LTBP1: variants seen among roughly 807,000 people sequenced by gnomAD.
The protein encoded by LTBP1 is latent-transforming growth factor beta-binding protein 1.
LTBP1 carries 129 observed loss-of-function variants against 207.6 expected under a neutral mutation model. That is an observed-to-expected ratio of 0.62 (90% confidence interval 0.54 to 0.72). The LOEUF (loss-of-function observed/expected upper bound fraction) is 0.72, where lower values mean the gene tolerates loss of function less well. Ranked by LOEUF, LTBP1 falls within the 30% of genes least tolerant of loss-of-function variation. The probability of loss-of-function intolerance (pLI) is 0.00; values close to 1 mark genes in which losing one functional copy is unlikely to be tolerated. For missense variants in LTBP1, 2,281 were observed against 2,217.2 expected (o/e 1.03, Z -0.58); for synonymous variants, 963 against 833.7 (o/e 1.16, Z -2.67).
chr2:33,194,612 A>C (rs748320559), intron 7 of LTBP1, among the ~76,000 whole-genome samples: 17 of 152,214 alleles, frequency 1.1e-4, no homozygotes, highest in Non-Finnish European at 1.5e-4. Flanking sequence ...AAGTTGCAGA[A>C]GAAAAATCTG....
At chr2:32,986,859 G>T (rs1683672937) in intron 2 of LTBP1, among the ~76,000 whole-genome samples, 1 of 152,170 alleles carries the variant, frequency 6.6e-6, no homozygotes, top group African/African-American at 2.4e-5. Flanking sequence ...TTCTGAACCT[G>T]TTTTCAGAGC....
At chr2:33,057,395 G>T (rs1337512475) in intron 3 of LTBP1, among the ~76,000 whole-genome samples, 1 of 152,210 alleles carries the variant, frequency 6.6e-6, no homozygotes, top group African/African-American at 2.4e-5. Context: ...GCCGCAGGTC[G>T]AGCTGCCTGC....
chr2:32,968,309 G>C (rs1433939074), intron 2 of LTBP1, among the ~76,000 whole-genome samples: 1 of 152,136 alleles, frequency 6.6e-6, no homozygotes, highest in Non-Finnish European at 1.5e-5. Context: ...CTGTCATTAG[G>C]TGCGTACACA....
rs529448782 is a variant in LTBP1, at chr2:32,966,398, A to G, written c.565+17453A>G. On this transcript the variant is annotated intron_variant, in intron 2 of 33. Transcript: ENST00000404816. ...TTGGTGTTATATCTTGTTTTATTTT[A>G]TTAGCTAGGACTTCCAGTACTATTG... Among the ~76,000 whole-genome samples, 4 of 152,052 alleles carry G rather than the reference A, an allele frequency of 2.6e-5. No homozygotes were observed. In the East Asian group the frequency reaches 7.7e-4, roughly 29 times the overall value.
At chr2:33,223,608 A>G (rs1426384787) in intron 9 of LTBP1, among the ~76,000 whole-genome samples, 1 of 152,232 alleles carries the variant, frequency 6.6e-6, no homozygotes, top group Non-Finnish European at 1.5e-5. Flanking sequence ...GTTTTACAAT[A>G]TAAACCAAGT....
intron 15 of LTBP1, among the ~76,000 whole-genome samples, chr2:33,263,738 G>A (rs190724643): frequency 3.3e-5 from 5 of 152,112 alleles, no homozygotes; most frequent in African/African-American, 1.2e-4. Flanking sequence ...CAGATCACAA[G>A]GTCAAGAGAT....
At chr2:33,285,730 A>T (rs1303056994) in intron 19 of LTBP1, 1 of 152,136 alleles carries the variant, frequency 6.6e-6, no homozygotes, top group Non-Finnish European at 1.5e-5. Context: ...TACAGGCGTG[A>T]GCCACCGCAC....
intron 7 of LTBP1, among the ~76,000 whole-genome samples, chr2:33,213,398 A>G (rs1296863288): frequency 6.6e-6 from 1 of 152,234 alleles, no homozygotes; most frequent in African/African-American, 2.4e-5. Flanking sequence ...CATCACCTCA[A>G]TCTGTGCGTA....
At chr2:33,149,716 A>G (rs1481778706) in intron 5 of LTBP1, among the ~76,000 whole-genome samples, 1 of 152,160 alleles carries the variant, frequency 6.6e-6, no homozygotes, top group Non-Finnish European at 1.5e-5. Flanking sequence ...CAAATGGGAA[A>G]CCGTTTAGCA....
At chr2:33,170,458 G>C (rs1006366912) in intron 5 of LTBP1, among the ~76,000 whole-genome samples, 2 of 152,120 alleles carry the variant, frequency 1.3e-5, no homozygotes, top group Non-Finnish European at 2.9e-5. Flanking sequence ...GGGGAGGGGC[G>C]CCCGCCATTG....
At chr2:33,159,564 A>G (rs779088839) in intron 5 of LTBP1, among the ~76,000 whole-genome samples, 1 of 152,178 alleles carries the variant, frequency 6.6e-6, no homozygotes, top group Non-Finnish European at 1.5e-5. Context: ...TTGTGCTTCT[A>G]ACCCCCACCC....
chr2:33,010,266 C>G (rs1687489213), intron 2 of LTBP1, among the ~76,000 whole-genome samples: 1 of 152,114 alleles, frequency 6.6e-6, no homozygotes, highest in South Asian at 2.1e-4. Flanking sequence ...AGTGGATGCA[C>G]AAGGCTGATT....
At chr2:33,116,506 G>T (rs377305474) in intron 4 of LTBP1, among the ~76,000 whole-genome samples, 16 of 152,216 alleles carry the variant, frequency 1.1e-4, no homozygotes, top group Admixed American at 8.5e-4. Flanking sequence ...GTGCTAACGT[G>T]GGGGAGAAAG....
intron 19 of LTBP1, among the ~76,000 whole-genome samples, chr2:33,284,518 A>T (rs943217855): frequency 3.3e-5 from 5 of 151,986 alleles, no homozygotes; most frequent in Admixed American, 3.3e-4. Context: ...GTTGCTGCCC[A>T]CTCGATCCCC....
intron 19 of LTBP1, among the ~76,000 whole-genome samples, chr2:33,282,988 G>T (rs1208550159): frequency 1.3e-5 from 2 of 151,186 alleles, no homozygotes; most frequent in East Asian, 3.9e-4. Flanking sequence ...GCTTGAACCT[G>T]GGAGGCGGAG....
chr2:33,064,410 C>T (rs1053285205), intron 3 of LTBP1, among the ~76,000 whole-genome samples: 2 of 152,110 alleles, frequency 1.3e-5, no homozygotes, highest in Middle Eastern at 3.2e-3. Flanking sequence ...CAGGAGAATC[C>T]TGGGTAAGAG....
intron 2 of LTBP1, among the ~76,000 whole-genome samples, chr2:32,991,885 TG>T (rs1684475713): frequency 1.3e-5 from 2 of 152,194 alleles, no homozygotes; most frequent in South Asian, 4.1e-4. Context: ...ACAACTTTAA[TG>T]ATTAAAAATG....
At position 33,024,838 on chromosome 2, in the gene LTBP1, A is replaced by G. The variant is rs575353899; in HGVS notation, c.863+3632A>G. On this transcript the variant is annotated intron_variant, in intron 3 of 33. Coordinates refer to ENST00000404816, the MANE Select transcript of LTBP1 (RefSeq NM_206943.4). ...CCAAAACTTAGCAACCTAAAATAAC[A>G]TGCATTTATTGACTGACAGTCTGTG... 1.4e-4 allele frequency among the ~76,000 whole-genome samples: 21 copies of G among 152,310 alleles called. No individual in the cohort carries two copies. The East Asian group carries it at 2.1e-3, about 15-fold the overall frequency.
intron 7 of LTBP1, among the ~76,000 whole-genome samples, chr2:33,208,127 G>C (rs1429516469): frequency 6.6e-6 from 1 of 152,200 alleles, no homozygotes; most frequent in East Asian, 1.9e-4. Context: ...TGTAGCTTTT[G>C]TTTACTAGAA....
Sources: allele counts gnomAD v4.1 joint callset (sites outside exome capture counted in the v4.1 genomes callset), GRCh38; gene constraint gnomAD v4.1.1; transcripts MANE v1.5; gene names NCBI Gene and HGNC (gene_info 2026-07-23, HGNC 2026-07-21).